Variants in VPS13A observed in about 807,000 individuals in gnomAD.
VPS13A encodes vacuolar protein sorting 13 homolog A, also known as intermembrane lipid transfer protein VPS13A.
VPS13A carries 264 observed loss-of-function variants against 390.9 expected under a neutral mutation model. That is an observed-to-expected ratio of 0.68 (90% CI 0.61 to 0.75). VPS13A has a LOEUF of 0.75. VPS13A is among the 30% of genes least tolerant of loss of function. The pLI, the probability that VPS13A is intolerant of heterozygous loss-of-function variation, is 0.00. For synonymous variants in VPS13A, 1,231 were observed against 1,227.1 expected, an observed-to-expected ratio of 1.00 and a Z score of -0.07; for missense variants, 3,409 against 3,733.9, an observed-to-expected ratio of 0.91 and a Z score of 2.27.
intron 27 of VPS13A, among the ~76,000 whole-genome samples, chr9:77,280,476 T>C (rs1308100794): frequency 7.0e-6 from 1 of 142,660 alleles, no homozygotes; most frequent in African/African-American, 2.5e-5. Context: ...TGGAGTTTGA[T>C]TTTTTTTTTC....
At chr9:77,217,184 G>GA (rs1822912916) in intron 10 of VPS13A, among the ~76,000 whole-genome samples, 1 of 152,196 alleles carries the variant, frequency 6.6e-6, no homozygotes, top group South Asian at 2.1e-4. Context: ...AGAGTGAAAT[G>GA]ACGAGGGCAG....
chr9:77,358,815 G>A (rs1831962667), intron 57 of VPS13A, among the ~76,000 whole-genome samples: 1 of 152,100 alleles, frequency 6.6e-6, no homozygotes, highest in Admixed American at 6.6e-5. Flanking sequence ...TAACGGACAA[G>A]TCCTTTCTAC....
At chr9:77,385,880 CT>C (rs1833660966) in intron 68 of VPS13A, among the ~76,000 whole-genome samples, 1 of 151,678 alleles carries the variant, frequency 6.6e-6, no homozygotes, top group African/African-American at 2.4e-5. Flanking sequence ...TTGAAAGTGA[CT>C]ACTTTAAATT....
At chr9:77,335,127 A>G (rs1247280124) in intron 46 of VPS13A, among the ~76,000 whole-genome samples, 1 of 152,216 alleles carries the variant, frequency 6.6e-6, no homozygotes, top group African/African-American at 2.4e-5. Context: ...TCTATAAAGG[A>G]CAGTGTTGTC....
At chr9:77,305,131 G>T (rs572742404) in intron 34 of VPS13A, among the ~76,000 whole-genome samples, 1 of 152,060 alleles carries the variant, frequency 6.6e-6, no homozygotes, top group Admixed American at 6.5e-5. Context: ...GTAGAGACGG[G>T]ATTTCACCGT....
chr9:77,218,644 C>CTG (rs1823001027), intron 10 of VPS13A, among the ~76,000 whole-genome samples: 1 of 132,110 alleles, frequency 7.6e-6, no homozygotes, highest in African/African-American at 2.8e-5. Flanking sequence ...AGAACATTGC[C>CTG]TTTTTTTTTT....
chr9:77,194,364 G>A (rs552533527), intron 1 of VPS13A, among the ~76,000 whole-genome samples: 1 of 152,064 alleles, frequency 6.6e-6, no homozygotes, highest in Admixed American at 6.5e-5. Flanking sequence ...TGGGGGTTGG[G>A]GGGGGCGCTC....
intron 46 of VPS13A, among the ~76,000 whole-genome samples, chr9:77,335,463 C>G (rs1170027789): frequency 1.3e-5 from 2 of 151,758 alleles, no homozygotes; most frequent in African/African-American, 4.8e-5. Context: ...ATCCATCTGA[C>G]AAAGGACTAA....
chr9:77,309,853 A>G (rs1367105842), intron 35 of VPS13A, among the ~76,000 whole-genome samples: 1 of 151,098 alleles, frequency 6.6e-6, no homozygotes, highest in Non-Finnish European at 1.5e-5. Context: ...CAGAATGGTA[A>G]AGCTAAGATT....
intron 45 of VPS13A, among the ~76,000 whole-genome samples, chr9:77,325,878 T>C (rs1829994052): frequency 6.6e-6 from 1 of 152,244 alleles, no homozygotes; most frequent in South Asian, 2.1e-4. Context: ...AAATGAATTA[T>C]TTATGTTTTA....
chr9:77,257,378 G>C (rs901773419), intron 22 of VPS13A, among the ~76,000 whole-genome samples: 2 of 152,094 alleles, frequency 1.3e-5, no homozygotes, highest in African/African-American at 2.4e-5. Flanking sequence ...GGGACTACAG[G>C]CACACGTCAC....
chr9:77,372,781 G>C (rs1018072665), intron 67 of VPS13A, among the ~76,000 whole-genome samples: 2 of 152,210 alleles, frequency 1.3e-5, no homozygotes, highest in African/African-American at 4.8e-5. Flanking sequence ...AGCAACTTCA[G>C]CAAAGTCTTA....
At chr9:77,408,129 G>A (rs1207520012) in intron 71 of VPS13A, among the ~76,000 whole-genome samples, 1 of 152,186 alleles carries the variant, frequency 6.6e-6, no homozygotes, top group Non-Finnish European at 1.5e-5. Context: ...CTCAAGATGA[G>A]AATGGTGTGA....
At chr9:77,351,833 C>CCTA (rs1333795057) in intron 53 of VPS13A, among the ~76,000 whole-genome samples, 9 of 152,218 alleles carry the variant, frequency 5.9e-5, no homozygotes, top group African/African-American at 2.2e-4. Context: ...CACGCCACTG[C>CCTA]ACTCCAGCCT....
At chr9:77,325,105 A>G (rs1829939247) in intron 45 of VPS13A, among the ~76,000 whole-genome samples, 1 of 152,226 alleles carries the variant, frequency 6.6e-6, no homozygotes, top group African/African-American at 2.4e-5. Context: ...AAGTACTCAC[A>G]GTACCTGGAT....
intron 34 of VPS13A, among the ~76,000 whole-genome samples, chr9:77,303,461 C>G (rs1828500167): frequency 6.6e-6 from 1 of 152,122 alleles, no homozygotes; most frequent in African/African-American, 2.4e-5. Context: ...GTGGGTATTT[C>G]TAGTCGGGTG....
At position 77,353,330 on chromosome 9, in the gene VPS13A, G is replaced by T. The variant is rs568224942; in HGVS notation, c.7420-79G>T. 4 of 1,120,828 alleles carry T rather than the reference G, an allele frequency of 3.6e-6. No homozygotes were observed. The South Asian group carries it at 5.7e-5, about 16-fold the overall frequency. 69.4% of individuals were successfully genotyped at this position (1,120,828 alleles called of 1,614,324 possible). A position where few individuals can be genotyped will look rare whatever the true frequency, so the allele number is the denominator to read the frequency against. On this transcript the variant is annotated intron_variant, in intron 53 of 71. Coordinates refer to ENST00000360280, the MANE Select transcript of VPS13A (RefSeq NM_033305.3). ...CCATTAATAGTCTCATTTTATAAAT[G>T]TGAAATCTAAATTTCATGTTCTTTG...
rs1484782979 is a variant in VPS13A at position 77,417,288 on chromosome 9, A to T, written c.*1282A>T. ...TGGAATTGAAGACTCTGTATAGTCA[A>T]TAGTTGTGAAATTCTTCTCAGGCTC... On this transcript the variant is annotated 3_prime_UTR_variant, in exon 72 of 72. Transcript: ENST00000360280. 1 of 152,192 alleles carries T rather than the reference A, an allele frequency of 6.6e-6. No homozygotes were observed. The highest frequency in any genetic ancestry group is 1.5e-5 in the Non-Finnish European group (1 of 68,032). The allele number at this position is 152,192 out of a possible 1,614,324, so 9.4% of individuals were successfully genotyped here.
chr9:77,407,066 C>T (rs927581347), intron 70 of VPS13A, among the ~76,000 whole-genome samples: 2 of 152,142 alleles, frequency 1.3e-5, no homozygotes, highest in Non-Finnish European at 2.9e-5. Flanking sequence ...TTTAAAATGG[C>T]AGAAGTACAT....
Sources: allele counts gnomAD v4.1 joint callset (sites outside exome capture counted in the v4.1 genomes callset), GRCh38; gene constraint gnomAD v4.1.1; transcripts MANE v1.5; gene names NCBI Gene and HGNC (gene_info 2026-07-23, HGNC 2026-07-21).